The following ZFYVE26 variants were observed in gnomAD, a reference collection of about 807,000 sequenced individuals.
The protein encoded by ZFYVE26 is zinc finger FYVE domain-containing protein 26.
A neutral mutation model predicts 276.5 loss-of-function variants in ZFYVE26; 181 were observed. The ratio of observed to expected loss-of-function variants is 0.65; its 90% CI spans 0.58 to 0.74. The LOEUF (loss-of-function observed/expected upper bound fraction) is 0.74. Among genes scored for constraint, ZFYVE26 ranks in the 30% least tolerant of loss-of-function variants. The pLI is 0.00. For synonymous variants in ZFYVE26, 1,129 were observed against 1,203.1 expected (o/e 0.94, Z 1.27); for missense variants, 2,821 against 3,097.9 (o/e 0.91, Z 2.12).
chr14:67,756,265 T>A, intron 35 of ZFYVE26, 120 bp from the exon 36 acceptor site: 1 of 994,496 alleles, frequency 1.0e-6, no homozygotes, highest in Non-Finnish European at 1.6e-6. Context: ...CAGTGCTTCT[T>A]AATCTTTTAT....
intron 35 of ZFYVE26, chr14:67,761,011 C>A: frequency 1.8e-6 from 1 of 554,354 alleles, no homozygotes; most frequent in Non-Finnish European, 3.2e-6. Flanking sequence ...GGTAGGGAGG[C>A]GCGTGGAAGC....
downstream of ZFYVE26, among the ~76,000 whole-genome samples, chr14:67,743,428 T>C (rs1035589015): frequency 3.3e-5 from 5 of 151,680 alleles, no homozygotes; most frequent in Admixed American, 6.6e-5. Context: ...GAGGCAGAGG[T>C]TGCAGTGAGC....
At chr14:67,758,884 C>T (rs370707274) in intron 35 of ZFYVE26, among the ~76,000 whole-genome samples, 1 of 152,120 alleles carries the variant, frequency 6.6e-6, no homozygotes, top group Admixed American at 6.5e-5. Context: ...ATCCACCTGC[C>T]TCAGCCTCCC....
At position 67,784,446 on chromosome 14, in the gene ZFYVE26, T is replaced by C. The variant is rs781088083; in HGVS notation, c.3524-10A>G. ...TTGACCTCCACATGATCTGCAAAGG[T>C]AAAGAACATGATCTTTGTTTGCACC... On this transcript the variant is annotated splice_polypyrimidine_tract_variant and intron_variant, in intron 19 of 41. Transcript: ENST00000347230. The C allele has an allele frequency of 8.7e-6, 14 of 1,612,214 alleles. No individual in the cohort carries two copies. In the African/African-American group the frequency reaches 1.7e-4, roughly 20 times the overall value.
intron 32 of ZFYVE26, among the ~76,000 whole-genome samples, chr14:67,764,034 T>A (rs184816073): frequency 3.3e-5 from 5 of 152,314 alleles, no homozygotes; most frequent in Admixed American, 3.3e-4. Flanking sequence ...CTTGACATCC[T>A]CACCCTGGGT....
chr14:67,753,624 G>T, intron 39 of ZFYVE26, 83 bp downstream of exon 39: 2 of 1,433,352 alleles, frequency 1.4e-6, no homozygotes, highest in South Asian at 2.4e-5. Context: ...CTTGGGATAA[G>T]AATTTCCTAA....
In ZFYVE26 at chr14:67,781,326, C is replaced by T; in HGVS notation, c.4569+7G>A. 6.2e-7 allele frequency: 1 copy of T among 1,613,998 alleles called. No homozygotes were observed. Among genetic ancestry groups the T allele is most frequent in the South Asian group, 1.1e-5 (1 of 91,070 alleles). On this transcript the variant is annotated splice_region_variant and intron_variant, in intron 22 of 41. Coordinates refer to ENST00000347230, the MANE Select transcript of ZFYVE26 (RefSeq NM_015346.4). ...CGTTCCCTTTCTCTTGATGCGAGGGCCCATACCTTCTGATACACCTGCAGC... is the reference window on the plus strand; with the variant it reads ...CGTTCCCTTTCTCTTGATGCGAGGGTCCATACCTTCTGATACACCTGCAGC...
intron 27 of ZFYVE26, among the ~76,000 whole-genome samples, chr14:67,773,677 G>A (rs2039270983): frequency 6.6e-6 from 1 of 152,066 alleles, no homozygotes; most frequent in Non-Finnish European, 1.5e-5. Context: ...AGCTCGGCTG[G>A]TTACCATGAA....
rs547530885 is a variant in ZFYVE26, at chr14:67,751,235, G to A, written c.7372-139C>T. ...TGACTTTTTTTTTCTCAAAGACATG[G>A]GGTCTCACTATGTTGCCCATGCTGG... is the stretch of plus-strand genomic sequence containing the variant. On this transcript the variant is annotated intron_variant, in intron 40 of 41. Coordinates refer to ENST00000347230, the MANE Select transcript of ZFYVE26 (RefSeq NM_015346.4). The A allele has an allele frequency of 6.2e-5, 54 of 877,200 alleles. No homozygotes were observed. In the South Asian group the frequency reaches 7.4e-4, roughly 12 times the overall value. 54.3% of individuals were successfully genotyped at this position (877,200 alleles called of 1,614,324 possible). A position where few individuals can be genotyped will look rare whatever the true frequency, so the allele number is the denominator to read the frequency against.
chr14:67,794,278 G>A (rs759978211), intron 12 of ZFYVE26, 39 bp from the exon 13 acceptor site: 7 of 1,591,348 alleles, frequency 4.4e-6, no homozygotes, highest in Non-Finnish European at 6.0e-6. Context: ...TCAATTATCA[G>A]CTCCTTATAG....
At chr14:67,786,511 T>C (rs2039663477) in intron 16 of ZFYVE26, among the ~76,000 whole-genome samples, 2 of 152,188 alleles carry the variant, frequency 1.3e-5, no homozygotes, top group Admixed American at 1.3e-4. Flanking sequence ...GCCAAATAGA[T>C]TTGCCTTGGT....
At chr14:67,782,557 G>A (rs1054890715) in intron 21 of ZFYVE26, among the ~76,000 whole-genome samples, 3 of 152,114 alleles carry the variant, frequency 2.0e-5, no homozygotes, top group Admixed American at 6.5e-5. Context: ...CTGGTTATGC[G>A]TGGCTGTTTA....
intron 6 of ZFYVE26, among the ~76,000 whole-genome samples, chr14:67,806,333 G>C (rs901379339): frequency 6.6e-6 from 1 of 152,168 alleles, no homozygotes; most frequent in African/African-American, 2.4e-5. Context: ...TCTGCCAAAG[G>C]ACCGATGTAA....
Position 67,790,690 on chromosome 14 carries a change from T to C in ZFYVE26, c.2637A>G (p.Glu879=). The change falls in exon 15 of 42, where the codon GAA becomes GAG. Residue 879 remains glutamate, a synonymous_variant. Transcript: ENST00000347230. ...FMERYQEVIQ[E]LAQVEHKIEN... is the part of the protein sequence containing the mutation. The stretch of plus-strand genomic sequence containing the variant: ...CAATCTTGTGCTCTACTTGGGCCAG[T>C]TCTTGGATCACTTCCTGGTAGCGCT... 1 of 1,614,230 alleles carries C rather than the reference T, an allele frequency of 6.2e-7. No individual in the cohort carries two copies. The highest frequency in any genetic ancestry group is 8.5e-7 in the Non-Finnish European group (1 of 1,180,034).
chr14:67,811,521 G>A (rs2040301496), intron 3 of ZFYVE26, among the ~76,000 whole-genome samples: 1 of 152,044 alleles, frequency 6.6e-6, no homozygotes, highest in African/African-American at 2.4e-5. Flanking sequence ...AGAGGATTGA[G>A]GTCAGAAGAT....
chr14:67,789,629 A>G (rs2039759845), intron 15 of ZFYVE26, 31 bp from the exon 16 acceptor site: 2 of 1,613,598 alleles, frequency 1.2e-6, no homozygotes, highest in African/African-American at 1.3e-5. Flanking sequence ...TAAAAAGCAA[A>G]GGGTTAAAAG....
chr14:67,753,468 C>T (rs184209328), intron 39 of ZFYVE26, among the ~76,000 whole-genome samples: 1 of 152,316 alleles, frequency 6.6e-6, no homozygotes, highest in East Asian at 1.9e-4. Context: ...TGAGACCTGG[C>T]TCCTGGTATT....
intron 13 of ZFYVE26, among the ~76,000 whole-genome samples, chr14:67,740,343 AT>A (rs1388674484): frequency 4.0e-5 from 6 of 151,042 alleles, no homozygotes; most frequent in Admixed American, 1.3e-4. Flanking sequence ...TGCAAAAAAA[AT>A]TATTTAAAAA....
downstream of ZFYVE26, among the ~76,000 whole-genome samples, chr14:67,741,662 C>G (rs1028204619): frequency 2.0e-5 from 3 of 152,178 alleles, no homozygotes; most frequent in Non-Finnish European, 4.4e-5. Flanking sequence ...CAGTAAATAA[C>G]TCACCTCAAA....
Sources: allele counts gnomAD v4.1 joint callset (sites outside exome capture counted in the v4.1 genomes callset), GRCh38; gene constraint gnomAD v4.1.1; transcripts MANE v1.5; gene names NCBI Gene and HGNC (gene_info 2026-07-23, HGNC 2026-07-21).